DNAH8: variants seen among roughly 807,000 people sequenced by gnomAD.
DNAH8 encodes dynein axonemal heavy chain 8.
DNAH8 carries 382 observed loss-of-function variants against 562.1 expected under a neutral mutation model. The ratio of observed to expected loss-of-function variants is 0.68; its 90% confidence interval spans 0.63 to 0.74. DNAH8 has a LOEUF of 0.74. DNAH8 is among the 30% of genes least tolerant of loss of function. DNAH8 has a pLI of 0.00. For missense variants in DNAH8, 5,203 were observed against 5,620.4 expected (o/e 0.93, Z 2.37); for synonymous variants, 1,881 against 1,919.4 (o/e 0.98, Z 0.52).
At chr6:38,867,771 AAC>A (rs1777163906) in intron 47 of DNAH8, among the ~76,000 whole-genome samples, 24 of 146,618 alleles carry the variant, frequency 1.6e-4, no homozygotes, top group Non-Finnish European at 2.7e-4. Flanking sequence ...AAAAAAAAAA[AAC>A]AAAAAAGAAA....
intron 89 of DNAH8, among the ~76,000 whole-genome samples, chr6:39,010,229 C>G (rs1766102312): frequency 1.3e-5 from 2 of 152,132 alleles, no homozygotes; most frequent in African/African-American, 4.8e-5. Context: ...TGTCCCTGTT[C>G]CAAGATCACT....
intron 7 of DNAH8, 123 bp downstream of exon 7, chr6:38,738,095 T>C: frequency 1.0e-6 from 1 of 985,428 alleles, no homozygotes. Context: ...GAATCTAGTT[T>C]GAAACTCAGC....
chr6:38,977,897 CT>C (rs1763781541), intron 85 of DNAH8, among the ~76,000 whole-genome samples: 1 of 152,198 alleles, frequency 6.6e-6, no homozygotes, highest in South Asian at 2.1e-4. Context: ...GAACAGGACA[CT>C]TAAGTCAAAA....
At chr6:38,930,587 G>T (rs1221242485) in intron 75 of DNAH8, among the ~76,000 whole-genome samples, 1 of 152,066 alleles carries the variant, frequency 6.6e-6, no homozygotes, top group African/African-American at 2.4e-5. Flanking sequence ...TGTTCTGAAG[G>T]TTAGCATCAT....
At chr6:38,790,818 G>A (rs1321641779) in intron 20 of DNAH8, among the ~76,000 whole-genome samples, 1 of 148,710 alleles carries the variant, frequency 6.7e-6, no homozygotes, top group African/African-American at 2.5e-5. Flanking sequence ...GCAAGACTCC[G>A]TCTAAAAAAA....
chr6:38,943,133 G>A (rs976885517), intron 79 of DNAH8, among the ~76,000 whole-genome samples: 2 of 152,204 alleles, frequency 1.3e-5, no homozygotes, highest in African/African-American at 4.8e-5. Flanking sequence ...GGGAGCCATC[G>A]AATGTTTTAT....
At chr6:38,792,778 C>T (rs902895391) in intron 21 of DNAH8, among the ~76,000 whole-genome samples, 2 of 152,092 alleles carry the variant, frequency 1.3e-5, no homozygotes, top group African/African-American at 4.8e-5. Flanking sequence ...ATGTTTTGAA[C>T]TGAACTCTTT....
intron 18 of DNAH8, among the ~76,000 whole-genome samples, 160 bp from the exon 19 acceptor site, chr6:38,789,643 A>G (rs558888912): frequency 6.6e-6 from 1 of 152,258 alleles, no homozygotes; most frequent in Non-Finnish European, 1.5e-5. Context: ...TTACAGGTAC[A>G]GAGAAAGTGT....
chr6:38,826,922 G>C (rs910941033), intron 29 of DNAH8, among the ~76,000 whole-genome samples: 1 of 152,152 alleles, frequency 6.6e-6, no homozygotes. Flanking sequence ...CAACTTAATG[G>C]CTTAAAACAA....
At chr6:38,993,065 A>C (rs1764900546) in intron 88 of DNAH8, among the ~76,000 whole-genome samples, 2 of 152,192 alleles carry the variant, frequency 1.3e-5, no homozygotes, top group South Asian at 2.1e-4. Flanking sequence ...GCTAGGAAGC[A>C]TGTACTTTTA....
Position 38,899,790 on chromosome 6 carries a change from T to G in DNAH8, c.9078T>G (p.Ile3026Met), listed in dbSNP as rs778058262. 2.5e-6 allele frequency: 4 copies of G among 1,613,796 alleles called. No homozygotes were observed. The highest frequency in any genetic ancestry group is 3.4e-6 in the Non-Finnish European group (4 of 1,179,790). ...MTHLIKISRI[I>M]RTSCGNALLV... is the part of the protein sequence containing the mutation. ...TCTCAAAACAGATTTCACGAATAATTCGAACGTCGTGTGGAAATGCATTGC... is the reference window on the plus strand; with the variant it reads ...TCTCAAAACAGATTTCACGAATAATGCGAACGTCGTGTGGAAATGCATTGC... The change falls in exon 62 of 93, where the codon ATT becomes ATG. Residue 3026 changes from isoleucine (I) to methionine (M), a missense_variant. Physicochemically the swap from Ile to Met is conservative, Grantham distance 10. Around this residue, in one of 6 missense-constraint regions of DNAH8, gnomAD observed 977 missense variants for 1,061.8 expected, o/e 0.92. Transcript: ENST00000327475.
In DNAH8 at chr6:38,857,752, C is replaced by G; in HGVS notation, c.5958+10C>G. 6.5e-7 allele frequency: 1 copy of G among 1,540,328 alleles called. No homozygotes were observed. Among genetic ancestry groups the G allele is most frequent in the Non-Finnish European group, 8.9e-7 (1 of 1,123,500 alleles). ...TATTTTTGATGACTTGGTAAGGTATCTTTTTTTTTAATTTAGTGTACTAAC... is the reference window on the plus strand; with the variant it reads ...TATTTTTGATGACTTGGTAAGGTATGTTTTTTTTTAATTTAGTGTACTAAC... On this transcript the variant is annotated intron_variant, in intron 42 of 92. Transcript: ENST00000327475.
chr6:38,974,528 A>G lies in DNAH8; in HGVS notation c.12833A>G (p.Gln4278Arg), dbSNP rs902072433. Residue 4278 changes from glutamine to arginine, a missense_variant and splice_region_variant, in exon 85 of 93, where the codon CAG becomes CGG. Gln to Arg is a conservative substitution (Grantham distance 43). Around this residue, in one of 6 missense-constraint regions of DNAH8, gnomAD observed 1,399 missense variants for 1,518.4 expected, o/e 0.92. Transcript: ENST00000327475. ...YTVAFLHSTV[Q>R]ERRKFGPLGW... ...GTAGCATTTTTACACTCCACTGTGC[A>G]GGTAACTGCAGAAAGCAGTTTTCAC... The G allele has an allele frequency of 1.2e-6, 2 of 1,611,694 alleles. No individual in the cohort carries two copies. Among genetic ancestry groups the G allele is most frequent in the Non-Finnish European group, 1.7e-6 (2 of 1,179,030 alleles).
intron 28 of DNAH8, among the ~76,000 whole-genome samples, chr6:38,825,631 T>G (rs1459132038): frequency 6.6e-6 from 1 of 152,058 alleles, no homozygotes; most frequent in Non-Finnish European, 1.5e-5. Context: ...AAGAAAAGAC[T>G]CTGATTGGTC....
intron 8 of DNAH8, among the ~76,000 whole-genome samples, chr6:38,749,057 G>T (rs2127593688): frequency 6.6e-6 from 1 of 152,120 alleles, no homozygotes; most frequent in Non-Finnish European, 1.5e-5. Flanking sequence ...GAGTGATGTT[G>T]TGTGTGTCCC....
chr6:38,924,900 C>T (rs939527623), intron 73 of DNAH8: 1 of 152,156 alleles, frequency 6.6e-6, no homozygotes, highest in African/African-American at 2.4e-5. Context: ...ATAGCAAGTC[C>T]TTTCATACTA....
intron 11 of DNAH8, chr6:38,764,659 C>T (rs572354308): frequency 6.6e-6 from 1 of 152,292 alleles, no homozygotes; most frequent in African/African-American, 2.4e-5. Context: ...ATGAAATGCC[C>T]AGGAGCAACT....
chr6:38,791,719 A>C (rs1769765100), intron 21 of DNAH8, 45 bp downstream of exon 21: 2 of 1,589,682 alleles, frequency 1.3e-6, no homozygotes, highest in Non-Finnish European at 1.7e-6. Flanking sequence ...ATATTGGCCT[A>C]TAAACCTAAA....
chr6:38,873,700 A>G (rs1315028712), intron 52 of DNAH8, among the ~76,000 whole-genome samples: 1 of 150,276 alleles, frequency 6.7e-6, no homozygotes, highest in Non-Finnish European at 1.5e-5. Flanking sequence ...TTAAATTTTA[A>G]AATAAATAAA....
Sources: gnomAD v4.1 joint callset for allele counts (sites outside exome capture counted in the v4.1 genomes callset) on GRCh38, gnomAD v4.1.1 for gene constraint, gnomAD v4.1.1 regional missense constraint, MANE v1.5 for transcripts, NCBI Gene and HGNC (gene_info 2026-07-23, HGNC 2026-07-21) for gene names.